OPA3: variants seen among roughly 807,000 people sequenced by gnomAD.
OPA3 encodes optic atrophy 3 protein.
Under a neutral mutation model 4.0 loss-of-function variants are expected in OPA3, and 6 were observed. The ratio of observed to expected loss-of-function variants is 1.51; its 90% CI spans 0.83 to 2.99. The LOEUF (loss-of-function observed/expected upper bound fraction) is 2.99, where lower values mean the gene tolerates loss of function less well. OPA3 is among the 30% of genes most tolerant of loss of function. The pLI is 0.00. For missense variants in OPA3, 235 were observed against 256.2 expected (o/e 0.92, Z 0.56); for synonymous variants, 105 against 117.1 (o/e 0.90, Z 0.67).
intron 1 of OPA3, among the ~76,000 whole-genome samples, chr19:45,572,361 A>G (rs1212220334): frequency 7.3e-6 from 1 of 136,710 alleles, no homozygotes; most frequent in African/African-American, 2.7e-5. Context: ...GACATATATG[A>G]GATATATATC....
chr19:45,545,182 A>AAC (rs1205216963), downstream of OPA3, among the ~76,000 whole-genome samples: 25 of 140,794 alleles, frequency 1.8e-4, 1 homozygote, highest in African/African-American at 7.4e-4. Flanking sequence ...AAAAAAACAA[A>AAC]AAAACAAAAA....
At chr19:45,542,487 G>A (rs977155733), downstream of OPA3, among the ~76,000 whole-genome samples, 1 of 152,126 alleles carries the variant, frequency 6.6e-6, no homozygotes, top group Non-Finnish European at 1.5e-5. Context: ...GCATGTGACT[G>A]TACTGAAAAT....
chr19:45,545,328 T>C (rs1040883609), downstream of OPA3, among the ~76,000 whole-genome samples: 3 of 150,844 alleles, frequency 2.0e-5, no homozygotes, highest in Non-Finnish European at 4.4e-5. Flanking sequence ...CAGGAGTTCC[T>C]GACCAGCCTG....
Position 45,574,411 on chromosome 19 carries a change from A to G in OPA3, c.142+10212T>C, listed in dbSNP as rs547656640. Reference sequence around the variant, plus strand: ...GACTCTGTCTCAAAAAAAAAAAAAAAAAAGAAAAAAAAAACGGATTCCATG... The same window carrying G: ...GACTCTGTCTCAAAAAAAAAAAAAAGAAAGAAAAAAAAAACGGATTCCATG... On this transcript the variant is annotated intron_variant, in intron 1 of 1. Transcript: ENST00000263275. 8.6e-5 allele frequency among the ~76,000 whole-genome samples: 13 copies of G among 151,686 alleles called. No individual in the cohort carries two copies. The South Asian group carries it at 2.3e-3, about 27-fold the overall frequency.
intron 1 of OPA3, among the ~76,000 whole-genome samples, chr19:45,538,256 C>G (rs912382281): frequency 2.7e-5 from 4 of 146,886 alleles, no homozygotes; most frequent in African/African-American, 1.0e-4. Context: ...ACCCCATCTT[C>G]ACACACGCAC....
Position 45,548,671 on chromosome 19 carries a change from T to G in OPA3, c.*4843A>C. 1.0e-6 allele frequency: 1 copy of G among 983,684 alleles called. No individual in the cohort carries two copies. The highest frequency in any genetic ancestry group is 1.2e-6 in the Non-Finnish European group (1 of 828,640). 60.9% of individuals were successfully genotyped at this position (983,684 alleles called of 1,614,324 possible). ...TGTTTTATTTTTTTTATTTTTTTTT[T>G]TTTTGCGGGAGACGCCCTACCAAGG... On this transcript the variant is annotated 3_prime_UTR_variant, in exon 2 of 2. Coordinates refer to ENST00000263275, the MANE Select transcript of OPA3 (RefSeq NM_025136.4).
At position 45,533,469 on chromosome 19, in the gene OPA3, C is replaced by T. The variant is rs190410365; in HGVS notation, c.143-4013G>A. Among the ~76,000 whole-genome samples, 327 of 152,392 alleles carry T rather than the reference C, an allele frequency of 2.1e-3. 1 individual carries two copies. Among genetic ancestry groups the T allele is most frequent in the Non-Finnish European group, 3.6e-3 (245 of 68,042 alleles). On this transcript the variant is annotated intron_variant, in intron 1 of 1. Transcript: ENST00000323060. ...TTGGCCTCCCAGAGTGCTGGGATTA[C>T]ATGCGTGAGCCACCGCGCCCAGCTG...
chr19:45,534,420 G>T (rs1969092618), intron 1 of OPA3, among the ~76,000 whole-genome samples: 1 of 151,810 alleles, frequency 6.6e-6, no homozygotes, highest in South Asian at 2.1e-4. Context: ...AACTTAGCCA[G>T]GCATGGTGGT....
chr19:45,558,083 C>T (rs1969447566), intron 1 of OPA3, among the ~76,000 whole-genome samples: 1 of 152,156 alleles, frequency 6.6e-6, no homozygotes, highest in Non-Finnish European at 1.5e-5. Flanking sequence ...CCTTTAATCC[C>T]AGCGCTTTGG....
At chr19:45,560,541 C>T (rs1969487727) in intron 1 of OPA3, among the ~76,000 whole-genome samples, 1 of 152,152 alleles carries the variant, frequency 6.6e-6, no homozygotes. Context: ...TGTTATCTGT[C>T]CCCTCGAGAA....
At chr19:45,582,539 G>A (rs1419082263) in intron 1 of OPA3, among the ~76,000 whole-genome samples, 1 of 151,890 alleles carries the variant, frequency 6.6e-6, no homozygotes, top group African/African-American at 2.4e-5. Context: ...GTAGTGGTGC[G>A]ATCTCGGTGG....
In OPA3 at chr19:45,553,281, T is replaced by G; in HGVS notation, c.*233A>C. ...CTGGGACCTTGCAGGTCGTCCTGGTTTGGAGTGGGGGATAGGAGGTGAAGG... is the reference window on the plus strand; with the variant it reads ...CTGGGACCTTGCAGGTCGTCCTGGTGTGGAGTGGGGGATAGGAGGTGAAGG... On this transcript the variant is annotated 3_prime_UTR_variant, in exon 2 of 2. Transcript: ENST00000263275. The G allele has an allele frequency of 1.4e-6, 2 of 1,421,878 alleles. No homozygotes were observed. The highest frequency in any genetic ancestry group is 9.2e-7 in the Non-Finnish European group (1 of 1,090,654). 88.1% of individuals were successfully genotyped at this position (1,421,878 alleles called of 1,614,324 possible).
intron 1 of OPA3, among the ~76,000 whole-genome samples, chr19:45,555,381 G>A (rs1159311054): frequency 6.6e-6 from 1 of 152,176 alleles, no homozygotes; most frequent in Non-Finnish European, 1.5e-5. Context: ...TGTCGCCCCG[G>A]CTGGAGTGTA....
At chr19:45,568,078 A>G (rs1349303982) in intron 1 of OPA3, among the ~76,000 whole-genome samples, 1 of 152,052 alleles carries the variant, frequency 6.6e-6, no homozygotes, top group East Asian at 1.9e-4. Context: ...AGCTCACTAC[A>G]ACCTGAGCCT....
At chr19:45,532,645 T>A (rs1969071643) in intron 1 of OPA3, among the ~76,000 whole-genome samples, 2 of 152,172 alleles carry the variant, frequency 1.3e-5, no homozygotes, top group African/African-American at 4.8e-5. Flanking sequence ...CAGAACTTAT[T>A]TTTTCCCCCT....
intron 1 of OPA3, among the ~76,000 whole-genome samples, chr19:45,565,119 A>C (rs1404256199): frequency 6.6e-6 from 1 of 152,188 alleles, no homozygotes; most frequent in African/African-American, 2.4e-5. Flanking sequence ...CTGTGGTCCC[A>C]GCTACTTCGG....
downstream of OPA3, among the ~76,000 whole-genome samples, chr19:45,545,761 G>A (rs1969242310): frequency 7.2e-6 from 1 of 138,582 alleles, no homozygotes; most frequent in Non-Finnish European, 1.5e-5. Context: ...TGCCCAGGCT[G>A]GAGTGCAGTG....
At chr19:45,568,467 G>A (rs911356772) in intron 1 of OPA3, among the ~76,000 whole-genome samples, 29 of 152,268 alleles carry the variant, frequency 1.9e-4, no homozygotes, top group African/African-American at 7.0e-4. Context: ...TAGGATTACA[G>A]GTGTGAGCCA....
At chr19:45,567,356 AAAG>A (rs1482377417) in intron 1 of OPA3, among the ~76,000 whole-genome samples, 105 of 151,528 alleles carry the variant, frequency 6.9e-4, no homozygotes, top group African/African-American at 2.2e-3. Context: ...AAAAAAAAAA[AAAG>A]AAGAAGAAGA....
Sources: allele counts gnomAD v4.1 joint callset (sites outside exome capture counted in the v4.1 genomes callset), GRCh38; gene constraint gnomAD v4.1.1; transcripts MANE v1.5; gene names NCBI Gene and HGNC (gene_info 2026-07-23, HGNC 2026-07-21).